The following CAMK4 variants were observed in gnomAD, a reference collection of about 807,000 sequenced individuals.
The protein encoded by CAMK4 is calcium/calmodulin dependent protein kinase IV, also known as calcium/calmodulin-dependent protein kinase type IV.
A neutral mutation model predicts 44.9 loss-of-function variants in CAMK4; 22 were observed. The ratio of observed to expected loss-of-function variants is 0.49; its 90% CI spans 0.35 to 0.70. The LOEUF is 0.70. Ranked by LOEUF, CAMK4 falls within the 30% of genes least tolerant of loss-of-function variation. The pLI, the probability that CAMK4 is intolerant of heterozygous loss-of-function variation, is 0.01. For missense variants in CAMK4, 498 were observed against 586.8 expected (o/e 0.85, Z 1.56); for synonymous variants, 218 against 215.4 (o/e 1.01, Z -0.11).
chr5:111,335,980 A>G (rs1461133523), intron 1 of CAMK4, among the ~76,000 whole-genome samples: 2 of 151,334 alleles, frequency 1.3e-5, no homozygotes, highest in Admixed American at 1.3e-4. Context: ...ACAACTAACC[A>G]TATTAGACAA....
At chr5:111,452,685 AC>A (rs1164123598) in intron 7 of CAMK4, among the ~76,000 whole-genome samples, 1 of 152,216 alleles carries the variant, frequency 6.6e-6, no homozygotes, top group East Asian at 1.9e-4. Flanking sequence ...GGCCCTTCAT[AC>A]AAATAATGCC....
chr5:111,490,443 CA>C lies in CAMK4; in HGVS notation c.*5982del. ...GGCCAACGTGGTGAAACCCCTAATACAAAAATTAGCTGGGCATGGTGGCACG... is the reference window on the plus strand; with the variant it reads ...GGCCAACGTGGTGAAACCCCTAATACAAAATTAGCTGGGCATGGTGGCACG... On this transcript the variant is annotated 3_prime_UTR_variant, in exon 11 of 11. Coordinates refer to ENST00000282356, the MANE Select transcript of CAMK4 (RefSeq NM_001744.6). 1 of 152,208 alleles carries C rather than the reference CA, an allele frequency of 6.6e-6. No homozygotes were observed. The highest frequency in any genetic ancestry group is 1.5e-5 in the Non-Finnish European group (1 of 68,036). The allele number at this position is 152,208 out of a possible 1,614,324, so 9.4% of individuals were successfully genotyped here.
At chr5:111,274,587 G>A (rs1394073923) in intron 1 of CAMK4, among the ~76,000 whole-genome samples, 1 of 152,118 alleles carries the variant, frequency 6.6e-6, no homozygotes, top group Admixed American at 6.6e-5. Context: ...TATATCTCCA[G>A]GGTGGATTTG....
chr5:111,395,696 T>C (rs1393763588), intron 5 of CAMK4, among the ~76,000 whole-genome samples: 1 of 152,196 alleles, frequency 6.6e-6, no homozygotes, highest in African/African-American at 2.4e-5. Context: ...GAAGCTTTTT[T>C]GGATTGCATT....
intron 7 of CAMK4, among the ~76,000 whole-genome samples, chr5:111,458,459 CA>C (rs1306254076): frequency 6.6e-6 from 1 of 152,110 alleles, no homozygotes; most frequent in Admixed American, 6.5e-5. Flanking sequence ...GGTTTTTTGT[CA>C]TTTATTAAAT....
At chr5:111,360,274 GT>G (rs2112794253) in intron 2 of CAMK4, among the ~76,000 whole-genome samples, 1 of 152,174 alleles carries the variant, frequency 6.6e-6, no homozygotes, top group East Asian at 1.9e-4. Flanking sequence ...TCCTTACCCT[GT>G]TATTTCCCAC....
chr5:111,467,934 TCACACACA>T (rs60254627), intron 7 of CAMK4, among the ~76,000 whole-genome samples: 4,170 of 143,398 alleles, frequency 0.029, 178 homozygotes, highest in African/African-American at 0.097. Context: ...AAAGAAATTG[TCACACACA>T]CACACACACA....
chr5:111,400,988 T>G (rs573167581), intron 5 of CAMK4, among the ~76,000 whole-genome samples: 7 of 152,320 alleles, frequency 4.6e-5, no homozygotes, highest in African/African-American at 1.7e-4. Flanking sequence ...CAAAACATCA[T>G]CATCCCCTAC....
chr5:111,332,034 A>G (rs1197901368), intron 1 of CAMK4, among the ~76,000 whole-genome samples: 2 of 151,674 alleles, frequency 1.3e-5, no homozygotes, highest in Admixed American at 1.3e-4. Context: ...GCTTTTAAAT[A>G]TACGACTAAA....
chr5:111,453,882 T>TC (rs1754322347), intron 7 of CAMK4, among the ~76,000 whole-genome samples: 2 of 152,118 alleles, frequency 1.3e-5, no homozygotes, highest in Non-Finnish European at 2.9e-5. Flanking sequence ...GGCTCCTGGC[T>TC]CTTGGCCCTG....
intron 1 of CAMK4, among the ~76,000 whole-genome samples, chr5:111,236,398 G>A (rs1748723731): frequency 6.6e-6 from 1 of 152,190 alleles, no homozygotes; most frequent in African/African-American, 2.4e-5. Context: ...TAGTTAGTTC[G>A]AGAATACTAC....
At chr5:111,295,135 T>C (rs768610701) in intron 1 of CAMK4, among the ~76,000 whole-genome samples, 11 of 152,216 alleles carry the variant, frequency 7.2e-5, no homozygotes, top group Non-Finnish European at 1.3e-4. Flanking sequence ...CAAATTTAAC[T>C]CTTCATGATA....
intron 7 of CAMK4, among the ~76,000 whole-genome samples, chr5:111,471,547 T>A (rs1366905044): frequency 6.6e-6 from 1 of 152,242 alleles, no homozygotes; most frequent in East Asian, 1.9e-4. Flanking sequence ...TGCTTCAATT[T>A]TAGCAGAATT....
chr5:111,480,977 G>A (rs1015953297), intron 9 of CAMK4, among the ~76,000 whole-genome samples: 2 of 152,158 alleles, frequency 1.3e-5, no homozygotes, highest in South Asian at 4.1e-4. Flanking sequence ...ACCCACATCT[G>A]TTGTGTCATC....
intron 1 of CAMK4, among the ~76,000 whole-genome samples, chr5:111,330,898 C>G (rs1749139548): frequency 6.6e-6 from 1 of 151,618 alleles, no homozygotes; most frequent in East Asian, 1.9e-4. Context: ...ATTAAAGGTG[C>G]TGGAACAACT....
rs568999489 is a variant in CAMK4, at chr5:111,377,739, A to G, written c.386+797A>G. Among the ~76,000 whole-genome samples, 9 of 152,242 alleles carry G rather than the reference A, an allele frequency of 5.9e-5. No homozygotes were observed. The East Asian group carries it at 1.5e-3, about 26-fold the overall frequency. On this transcript the variant is annotated intron_variant, in intron 4 of 10. Transcript: ENST00000282356. ...AAGAAGACAAAGAGACTAAGTAGGC[A>G]TATATTAGAAATGGTAAGAAGCCAT...
chr5:111,453,391 T>C (rs549056939), intron 7 of CAMK4, among the ~76,000 whole-genome samples: 1 of 152,350 alleles, frequency 6.6e-6, no homozygotes, highest in Non-Finnish European at 1.5e-5. Context: ...CAGGTAAAGC[T>C]AAAACCCTCT....
intron 5 of CAMK4, among the ~76,000 whole-genome samples, chr5:111,435,457 A>G (rs572144264): frequency 1.3e-5 from 2 of 152,212 alleles, no homozygotes; most frequent in East Asian, 3.9e-4. Context: ...TCCTCATCCT[A>G]GTGAAAGAGC....
At chr5:111,441,760 A>G (rs1470659629) in intron 5 of CAMK4, among the ~76,000 whole-genome samples, 2 of 152,160 alleles carry the variant, frequency 1.3e-5, no homozygotes, top group African/African-American at 4.8e-5. Flanking sequence ...TATTTATGTT[A>G]ATCCCCATGA....
Sources: gnomAD v4.1 joint callset for allele counts (sites outside exome capture counted in the v4.1 genomes callset) on GRCh38, gnomAD v4.1.1 for gene constraint, MANE v1.5 for transcripts, NCBI Gene and HGNC (gene_info 2026-07-23, HGNC 2026-07-21) for gene names.